The following CRISPLD2 variants were observed in gnomAD, a reference collection of about 807,000 sequenced individuals.
CRISPLD2 encodes the protein cysteine rich secretory protein LCCL domain containing 2, also known as cysteine-rich secretory protein LCCL domain-containing 2.
A neutral mutation model predicts 71.1 loss-of-function variants in CRISPLD2; 47 were observed. The observed-to-expected ratio is 0.66, with a 90% confidence interval of 0.52 to 0.84. CRISPLD2 has a LOEUF of 0.84. CRISPLD2 is among the 40% of genes least tolerant of loss of function. The pLI is 0.00. For synonymous variants in CRISPLD2, 317 were observed against 250.1 expected, an observed-to-expected ratio of 1.27 and a Z score of -2.52; for missense variants, 830 against 651.1, an observed-to-expected ratio of 1.27 and a Z score of -2.99.
chr16:84,890,313 C>T (rs542471616), intron 14 of CRISPLD2, among the ~76,000 whole-genome samples: 41 of 150,450 alleles, frequency 2.7e-4, no homozygotes, highest in African/African-American at 5.9e-4. Context: ...GAGCTGAGAT[C>T]GCGCCACCGC....
In CRISPLD2 at chr16:84,844,283, C is replaced by T. The variant is rs532497984; in HGVS notation, c.241-1503C>T. ...CAGGCCCCACTGATTCAGGATGGGCCGTGCTGGGAGGTGAGCAGGGCTGGG... is the reference window on the plus strand; with the variant it reads ...CAGGCCCCACTGATTCAGGATGGGCTGTGCTGGGAGGTGAGCAGGGCTGGG... On this transcript the variant is annotated intron_variant, in intron 2 of 14. Transcript: ENST00000262424. Among the ~76,000 whole-genome samples, 12 of 152,310 alleles carry T rather than the reference C, an allele frequency of 7.9e-5. No homozygotes were observed. The South Asian group carries it at 1.9e-3, about 24-fold the overall frequency.
At chr16:84,820,439 A>G (rs541100130) in intron 1 of CRISPLD2, among the ~76,000 whole-genome samples, 1 of 152,186 alleles carries the variant, frequency 6.6e-6, no homozygotes. Context: ...TTCCTCGTGC[A>G]GTTCACTAGC....
Position 84,848,814 on chromosome 16 carries a change from G to C in CRISPLD2, c.360-571G>C, listed in dbSNP as rs555865289. 4.4e-3 allele frequency among the ~76,000 whole-genome samples: 662 copies of C among 152,174 alleles called. 12 individuals carry two copies. Among genetic ancestry groups the C allele is most frequent in the African/African-American group, 0.015 (637 of 41,504 alleles). Reference sequence around the variant, plus strand: ...TGTGAAATACGGGCTTCATGGGCTGGATAGTTTTTCTCCAACGTACCTGAA... The same window carrying C: ...TGTGAAATACGGGCTTCATGGGCTGCATAGTTTTTCTCCAACGTACCTGAA... On this transcript the variant is annotated intron_variant, in intron 3 of 14. Coordinates refer to ENST00000262424, the MANE Select transcript of CRISPLD2 (RefSeq NM_031476.4).
chr16:84,854,032 G>A (rs1319199642), intron 5 of CRISPLD2, among the ~76,000 whole-genome samples: 1 of 152,204 alleles, frequency 6.6e-6, no homozygotes, highest in African/African-American at 2.4e-5. Flanking sequence ...TGGGAACTCC[G>A]GAGGGAGGCA....
Position 84,889,236 on chromosome 16 carries a change from A to C in CRISPLD2, c.1312A>C (p.Ser438Arg). ...FGTNIYADTS[S>R]ICKTAVHAGV... ...GCCCTTCCTGTGCTTCCAGACCTCA[A>C]GCATCTGCAAGACAGCCGTGCACGC... is the stretch of plus-strand genomic sequence containing the variant. The change falls in exon 14 of 15, where the codon AGC becomes CGC. Residue 438 changes from serine (S) to arginine (R), a missense_variant. Coordinates refer to ENST00000262424, the MANE Select transcript of CRISPLD2 (RefSeq NM_031476.4). 6.2e-7 allele frequency: 1 copy of C among 1,614,120 alleles called. No homozygotes were observed. The highest frequency in any genetic ancestry group is 8.5e-7 in the Non-Finnish European group (1 of 1,179,982).
intron 6 of CRISPLD2, among the ~76,000 whole-genome samples, chr16:84,864,644 CTT>C (rs1917486693): frequency 6.6e-6 from 1 of 152,314 alleles, no homozygotes; most frequent in Admixed American, 6.5e-5. Flanking sequence ...GACATATGCT[CTT>C]TTCTTTAGGT....
At chr16:84,893,629 G>A in intron 14 of CRISPLD2, among the ~76,000 whole-genome samples, 1 of 152,196 alleles carries the variant, frequency 6.6e-6, no homozygotes, top group East Asian at 1.9e-4. Flanking sequence ...GGCCCAGGGG[G>A]TCACTGTTGT....
At chr16:84,885,591 G>A (rs914391198) in intron 13 of CRISPLD2, among the ~76,000 whole-genome samples, 1 of 152,096 alleles carries the variant, frequency 6.6e-6, no homozygotes, top group Non-Finnish European at 1.5e-5. Context: ...AAGGAACCCC[G>A]CCCTCATCCG....
chr16:84,899,529 T>C (rs927236263), intron 14 of CRISPLD2, among the ~76,000 whole-genome samples: 12 of 152,204 alleles, frequency 7.9e-5, no homozygotes, highest in Admixed American at 6.5e-4. Context: ...GAATTTTTCT[T>C]GGTGCCCAAA....
At chr16:84,891,873 C>T (rs918159091) in intron 14 of CRISPLD2, among the ~76,000 whole-genome samples, 1 of 152,188 alleles carries the variant, frequency 6.6e-6, no homozygotes, top group Non-Finnish European at 1.5e-5. Flanking sequence ...TGACACCCAC[C>T]CAAATCGCCA....
chr16:84,881,993 T>G (rs998722469), intron 13 of CRISPLD2, among the ~76,000 whole-genome samples: 5 of 152,192 alleles, frequency 3.3e-5, no homozygotes, highest in African/African-American at 1.2e-4. Context: ...TTTTTTCTTC[T>G]TGAAAGTGAT....
At chr16:84,878,614 T>C (rs1377027126) in intron 12 of CRISPLD2, among the ~76,000 whole-genome samples, 1 of 152,148 alleles carries the variant, frequency 6.6e-6, no homozygotes, top group African/African-American at 2.4e-5. Context: ...AAATGAGTGG[T>C]CCACGGAGGA....
Position 84,873,037 on chromosome 16 carries a change from G to A in CRISPLD2, c.1027G>A (p.Asp343Asn). 1 of 1,613,978 alleles carries A rather than the reference G, an allele frequency of 6.2e-7. No individual in the cohort carries two copies. Among genetic ancestry groups the A allele is most frequent in the Non-Finnish European group, 8.5e-7 (1 of 1,179,934 alleles). Residue 343 changes from aspartate to asparagine, a missense_variant, in exon 10 of 15, where the codon GAC becomes AAC. Coordinates refer to ENST00000262424, the MANE Select transcript of CRISPLD2 (RefSeq NM_031476.4). ...RAAIHYGILD[D>N]KGGLVDITRN... ...CGCCATCCACTACGGGATCCTGGAT[G>A]ACAAGGGAGGCCTGGTGGATATCAC...
chr16:84,823,646 G>A (rs550507505), intron 1 of CRISPLD2, among the ~76,000 whole-genome samples: 2 of 152,222 alleles, frequency 1.3e-5, no homozygotes, highest in East Asian at 1.9e-4. Context: ...GTACAATGAC[G>A]AGTACTCTTG....
chr16:84,833,727 G>C (rs1916545284), intron 1 of CRISPLD2, among the ~76,000 whole-genome samples: 1 of 152,186 alleles, frequency 6.6e-6, no homozygotes. Flanking sequence ...ATGGTGGTGG[G>C]GGGGCGTGTT....
intron 6 of CRISPLD2, among the ~76,000 whole-genome samples, chr16:84,861,128 C>T (rs991552249): frequency 3.9e-5 from 6 of 152,160 alleles, no homozygotes; most frequent in African/African-American, 1.4e-4. Flanking sequence ...TAGCTCATGC[C>T]AAGGACTCCC....
chr16:84,892,840 G>A (rs1357496373), intron 14 of CRISPLD2, among the ~76,000 whole-genome samples: 1 of 151,884 alleles, frequency 6.6e-6, no homozygotes, highest in East Asian at 1.9e-4. Flanking sequence ...GCTGGGCATG[G>A]TGGTGCACGC....
intron 13 of CRISPLD2, 66 bp from the exon 14 acceptor site, chr16:84,889,164 C>A: frequency 1.9e-6 from 3 of 1,607,474 alleles, no homozygotes; most frequent in African/African-American, 1.3e-5. Context: ...AATGATGGAG[C>A]CCCAGCTGGC....
At chr16:84,839,545 A>G in intron 2 of CRISPLD2, 1 of 153,488 alleles carries the variant, frequency 6.5e-6, no homozygotes, top group Non-Finnish European at 1.4e-5. Context: ...CCGGGAAAGG[A>G]GCTAACGGTG....
Sources: gnomAD v4.1 joint callset for allele counts (sites outside exome capture counted in the v4.1 genomes callset) on GRCh38, gnomAD v4.1.1 for gene constraint, MANE v1.5 for transcripts, NCBI Gene and HGNC (gene_info 2026-07-23, HGNC 2026-07-21) for gene names.